Variants in SPHKAP observed in about 807,000 individuals in gnomAD.
SPHKAP encodes SPHK1 interactor, AKAP domain containing.
Under a neutral mutation model 137.5 loss-of-function variants are expected in SPHKAP, and 67 were observed. The observed-to-expected ratio is 0.49, with a 90% CI of 0.40 to 0.60. SPHKAP has a LOEUF of 0.60. Ranked by LOEUF, SPHKAP falls within the 20% of genes least tolerant of loss-of-function variation. The probability of loss-of-function intolerance (pLI) is 0.00; values close to 1 mark genes in which losing one functional copy is unlikely to be tolerated. For synonymous variants in SPHKAP, 813 were observed against 785.3 expected, an observed-to-expected ratio of 1.04 and a Z score of -0.59; for missense variants, 2,097 against 2,069.3, an observed-to-expected ratio of 1.01 and a Z score of -0.26.
chr2:228,062,007 T>A (rs574624250), intron 3 of SPHKAP, among the ~76,000 whole-genome samples: 1 of 152,100 alleles, frequency 6.6e-6, no homozygotes, highest in South Asian at 2.1e-4. Flanking sequence ...TAGTGTGGAA[T>A]AGGTTATGCT....
rs1342630788 is a variant in SPHKAP, at chr2:227,996,020, A to G, written c.4449-326T>C. 2.1e-5 allele frequency: 21 copies of G among 985,276 alleles called. No individual in the cohort carries two copies. In the Admixed American group the frequency reaches 1.2e-3, roughly 55 times the overall value. The allele number at this position is 985,276 out of a possible 1,614,324, so 61.0% of individuals were successfully genotyped here. A position where few individuals can be genotyped will look rare whatever the true frequency, so the allele number is the denominator to read the frequency against. ...TGATGTTTAAAAAGAAGATACACAA[A>G]GCATTCACCCGAGAGATTATGATTC... On this transcript the variant is annotated intron_variant, in intron 7 of 11. Transcript: ENST00000392056.
At chr2:228,087,918 CAT>C (rs1295583276) in intron 3 of SPHKAP, among the ~76,000 whole-genome samples, 2 of 152,090 alleles carry the variant, frequency 1.3e-5, no homozygotes, top group African/African-American at 4.8e-5. Context: ...CTGAAAAATG[CAT>C]AGTTTTCTTT....
intron 3 of SPHKAP, among the ~76,000 whole-genome samples, chr2:228,098,744 C>T (rs527593334): frequency 7.4e-6 from 1 of 134,294 alleles, no homozygotes; most frequent in Admixed American, 7.6e-5. Context: ...CACATGTACC[C>T]TAAACCTTAA....
intron 3 of SPHKAP, among the ~76,000 whole-genome samples, chr2:228,075,220 G>A (rs1036001514): frequency 3.9e-5 from 6 of 152,174 alleles, no homozygotes; most frequent in African/African-American, 1.4e-4. Context: ...TATTTCTGTT[G>A]TGCCACAAAT....
At chr2:228,149,056 G>A (rs1386943066) in intron 1 of SPHKAP, among the ~76,000 whole-genome samples, 1 of 152,192 alleles carries the variant, frequency 6.6e-6, no homozygotes, top group African/African-American at 2.4e-5. Flanking sequence ...TTTACATCAT[G>A]TGGATAAAAC....
chr2:228,165,375 G>T (rs1307878780), intron 1 of SPHKAP, among the ~76,000 whole-genome samples: 1 of 152,162 alleles, frequency 6.6e-6, no homozygotes. Flanking sequence ...GAAGAGAAGG[G>T]TATTGATATT....
chr2:228,154,532 A>ATATATATATATT (rs1264773949), intron 1 of SPHKAP, among the ~76,000 whole-genome samples: 1 of 29,404 alleles, frequency 3.4e-5, no homozygotes, highest in Non-Finnish European at 5.8e-5. Context: ...ATATATATAT[A>ATATATATATATT]TTTTTTTTTT....
intron 3 of SPHKAP, among the ~76,000 whole-genome samples, chr2:228,083,678 C>A (rs1299408808): frequency 6.6e-6 from 1 of 152,122 alleles, no homozygotes; most frequent in African/African-American, 2.4e-5. Flanking sequence ...GACTTGGAAC[C>A]AACCCAAATG....
intron 1 of SPHKAP, among the ~76,000 whole-genome samples, chr2:228,160,177 A>G (rs918626152): frequency 2.0e-5 from 3 of 152,254 alleles, no homozygotes; most frequent in African/African-American, 4.8e-5. Context: ...CAGGGGAGGT[A>G]GAATATTGTA....
At chr2:228,092,502 GTATACATATA>G (rs1697825874) in intron 3 of SPHKAP, among the ~76,000 whole-genome samples, 3 of 56,978 alleles carry the variant, frequency 5.3e-5, no homozygotes, top group East Asian at 6.3e-4. Context: ...CCATATATAT[GTATACATATA>G]TGTGCCATAT....
intron 7 of SPHKAP, among the ~76,000 whole-genome samples, chr2:228,012,656 T>G (rs1694433643): frequency 6.6e-6 from 1 of 152,386 alleles, no homozygotes; most frequent in Admixed American, 6.5e-5. Flanking sequence ...CTTTCTATTT[T>G]CTTCTGTGTT....
Position 228,019,514 on chromosome 2 carries a change from A to G in SPHKAP, c.1340T>C (p.Leu447Pro), listed in dbSNP as rs148865668. 32 of 1,614,008 alleles carry G rather than the reference A, an allele frequency of 2.0e-5. 1 individual carries two copies. In the African/African-American group the frequency reaches 3.9e-4, roughly 20 times the overall value. The change falls in exon 7 of 12, where the codon CTC (leucine) becomes CCC (proline). Residue 447 changes from leucine to proline, a missense_variant. Physicochemically the swap from Leu to Pro is moderately conservative, Grantham distance 98. Coordinates refer to ENST00000392056, the MANE Select transcript of SPHKAP (RefSeq NM_001142644.2). The stretch of plus-strand genomic sequence containing the variant: ...ACTCTGAACAACGACGATTTTGGGG[A>G]GCTCATTCCATGACCGAGAAACCAC... ...DTVVSRSWNE[L>P]PKIVVVQSPD...
At position 228,070,425 on chromosome 2, in the gene SPHKAP, C is replaced by A. The variant is rs181382735; in HGVS notation, c.246+38407G>T. On this transcript the variant is annotated intron_variant, in intron 3 of 11. Transcript: ENST00000392056. Reference sequence around the variant, plus strand: ...ACTTTGTGGAAATGCATAGTAAATTCTGTCTGACCTATTCACTTTTTCATT... The same window carrying A: ...ACTTTGTGGAAATGCATAGTAAATTATGTCTGACCTATTCACTTTTTCATT... Among the ~76,000 whole-genome samples, 158 of 152,080 alleles carry A rather than the reference C, an allele frequency of 1.0e-3. 1 individual carries two copies. The highest frequency in any genetic ancestry group is 3.4e-3 in the African/African-American group (140 of 41,498).
In SPHKAP at chr2:228,018,192, T is replaced by G; in HGVS notation, c.2662A>C (p.Asn888His). Residue 888 changes from asparagine to histidine, a missense_variant, in exon 7 of 12, where the codon AAC (asparagine) becomes CAC (histidine). Coordinates refer to ENST00000392056, the MANE Select transcript of SPHKAP (RefSeq NM_001142644.2). The stretch of plus-strand genomic sequence containing the variant: ...TCGTTGATGCGAGATGTGGCACAGT[T>G]GTACTTTTCTTGGGTGTTTGGGTGG... Reference protein sequence around the residue: ...SIHPNTQEKYNCATSRINEVQ... With the variant: ...SIHPNTQEKYHCATSRINEVQ... The G allele has an allele frequency of 6.2e-7, 1 of 1,614,150 alleles. No homozygotes were observed. The highest frequency in any genetic ancestry group is 8.5e-7 in the Non-Finnish European group (1 of 1,180,038).
chr2:228,176,427 T>C (rs76292971), intron 1 of SPHKAP, among the ~76,000 whole-genome samples: 14,828 of 152,146 alleles, frequency 0.097, 821 homozygotes, highest in East Asian at 0.2. Flanking sequence ...AGGAGTGACA[T>C]AGAAGATAAG....
At chr2:228,162,760 G>A (rs5020145) in intron 1 of SPHKAP, among the ~76,000 whole-genome samples, 12 of 151,956 alleles carry the variant, frequency 7.9e-5, no homozygotes, top group African/African-American at 1.2e-4. Context: ...GTGCAATGGC[G>A]CAATCTTGGC....
intron 3 of SPHKAP, among the ~76,000 whole-genome samples, chr2:228,030,530 AAAC>A (rs1559356955): frequency 1.3e-3 from 88 of 68,748 alleles, no homozygotes; most frequent in African/African-American, 6.2e-3. Context: ...AAAAAAAAAA[AAAC>A]AACAAAAAAC....
chr2:228,062,654 G>A (rs1376332415), intron 3 of SPHKAP, among the ~76,000 whole-genome samples: 1 of 151,888 alleles, frequency 6.6e-6, no homozygotes, highest in African/African-American at 2.4e-5. Flanking sequence ...AATTGGTAGA[G>A]AGCTTTTTTT....
At chr2:228,052,254 A>C (rs1224766149) in intron 3 of SPHKAP, among the ~76,000 whole-genome samples, 1 of 152,124 alleles carries the variant, frequency 6.6e-6, no homozygotes, top group Non-Finnish European at 1.5e-5. Flanking sequence ...CATCCAATCT[A>C]TTTTCTACTG....
Sources: allele counts gnomAD v4.1 joint callset (sites outside exome capture counted in the v4.1 genomes callset), GRCh38; gene constraint gnomAD v4.1.1; transcripts MANE v1.5; gene names NCBI Gene and HGNC (gene_info 2026-07-23, HGNC 2026-07-21).